CHN2: variants seen among roughly 807,000 people sequenced by gnomAD.
CHN2 encodes the protein chimerin 2, also known as beta-chimaerin.
A neutral mutation model predicts 56.3 loss-of-function variants in CHN2; 35 were observed. The ratio of observed to expected loss-of-function variants is 0.62; its 90% confidence interval spans 0.47 to 0.82. The LOEUF is 0.82. Ranked by LOEUF, CHN2 falls within the 40% of genes least tolerant of loss-of-function variation. The pLI is 0.00. For synonymous variants in CHN2, 210 were observed against 212.8 expected, an observed-to-expected ratio of 0.99 and a Z score of 0.12; for missense variants, 491 against 580.5, an observed-to-expected ratio of 0.85 and a Z score of 1.58.
chr7:29,298,872 G>A (rs1447775035), intron 1 of CHN2, among the ~76,000 whole-genome samples: 3 of 131,224 alleles, frequency 2.3e-5, no homozygotes. Flanking sequence ...CCTCATTTTT[G>A]TTAAAAAAAA....
chr7:29,445,892 A>G (rs1020975888), intron 6 of CHN2, among the ~76,000 whole-genome samples: 1 of 152,092 alleles, frequency 6.6e-6, no homozygotes, highest in African/African-American at 2.4e-5. Context: ...GTCTCCAATT[A>G]CGGAATTCCA....
At chr7:29,464,134 G>A (rs1044994987) in intron 6 of CHN2, among the ~76,000 whole-genome samples, 4 of 152,172 alleles carry the variant, frequency 2.6e-5, no homozygotes, top group South Asian at 2.1e-4. Context: ...GCATAGTTAC[G>A]ATTAATCATA....
At chr7:29,228,601 T>C (rs1584798103) in intron 1 of CHN2, among the ~76,000 whole-genome samples, 1 of 152,354 alleles carries the variant, frequency 6.6e-6, no homozygotes, top group East Asian at 1.9e-4. Context: ...TAAACATATA[T>C]GTGTGTGTAT....
rs535688448 is a variant in CHN2 at position 29,219,829 on chromosome 7, C to T, written c.49+24839C>T. 1.1e-4 allele frequency among the ~76,000 whole-genome samples: 17 copies of T among 152,274 alleles called. No individual in the cohort carries two copies. The East Asian group carries it at 2.9e-3, about 26-fold the overall frequency. ...CCGTGGCTCATGCCTGTAATCCCAGCACTTTAGGAGGCGAGGTGGGCGGAT... is the reference window on the plus strand; with the variant it reads ...CCGTGGCTCATGCCTGTAATCCCAGTACTTTAGGAGGCGAGGTGGGCGGAT... On this transcript the variant is annotated intron_variant, in intron 1 of 12. Coordinates refer to ENST00000222792, the MANE Select transcript of CHN2 (RefSeq NM_004067.4).
chr7:29,166,144 C>A (rs1350791440), intron 2 of CHN2, among the ~76,000 whole-genome samples: 2 of 152,106 alleles, frequency 1.3e-5, no homozygotes, highest in Non-Finnish European at 2.9e-5. Flanking sequence ...GACCCTCCTG[C>A]CTCACCCTCC....
intron 6 of CHN2, among the ~76,000 whole-genome samples, chr7:29,402,517 T>G (rs1425677923): frequency 1.3e-5 from 2 of 152,088 alleles, no homozygotes; most frequent in East Asian, 3.9e-4. Context: ...CCAAAGTAAT[T>G]TAGAATAGAA....
chr7:29,251,761 G>T (rs2128819541), intron 1 of CHN2, among the ~76,000 whole-genome samples: 1 of 152,294 alleles, frequency 6.6e-6, no homozygotes. Context: ...AACTGTGAGT[G>T]TTTACTTTCA....
chr7:29,297,336 G>C (rs1009393667), intron 1 of CHN2, among the ~76,000 whole-genome samples: 2 of 152,176 alleles, frequency 1.3e-5, no homozygotes, highest in African/African-American at 4.8e-5. Context: ...CCGCTCTGAA[G>C]AAGTCCATCT....
Position 29,466,100 on chromosome 7 carries a change from G to T in CHN2, c.577-14179G>T, listed in dbSNP as rs142685275. Among the ~76,000 whole-genome samples the T allele has an allele frequency of 3.0e-3, 453 of 152,220 alleles. 9 individuals carry two copies. Among genetic ancestry groups the T allele is most frequent in the East Asian group, 0.024 (122 of 5,174 alleles). On this transcript the variant is annotated intron_variant, in intron 6 of 12. Transcript: ENST00000222792. ...CACCTGTATCCCAGCCACTCAGGAGGCTGAGGCACAAGAATCGCTTGAACC... is the reference window on the plus strand; with the variant it reads ...CACCTGTATCCCAGCCACTCAGGAGTCTGAGGCACAAGAATCGCTTGAACC...
intron 2 of CHN2, among the ~76,000 whole-genome samples, chr7:29,147,455 G>T (rs1276116370): frequency 6.6e-6 from 1 of 152,220 alleles, no homozygotes; most frequent in East Asian, 1.9e-4. Flanking sequence ...CGCGTAGTTT[G>T]TTATGCAACT....
chr7:29,375,505 T>A (rs562402231), intron 3 of CHN2, among the ~76,000 whole-genome samples: 1 of 152,288 alleles, frequency 6.6e-6, no homozygotes, highest in African/African-American at 2.4e-5. Flanking sequence ...TGATTTTTAT[T>A]TCTTAACATC....
intron 6 of CHN2, among the ~76,000 whole-genome samples, chr7:29,473,482 T>TTTTTTGTGTG (rs539151442): frequency 8.5e-6 from 1 of 118,166 alleles, no homozygotes; most frequent in African/African-American, 3.3e-5. Context: ...TTTTTTTTTT[T>TTTTTTGTGTG]TGTGTGTGTG....
intron 1 of CHN2, among the ~76,000 whole-genome samples, chr7:29,256,410 GAACATTC>G (rs1014653443): frequency 6.6e-6 from 1 of 152,206 alleles, no homozygotes; most frequent in Non-Finnish European, 1.5e-5. Context: ...GTTTGTATGT[GAACATTC>G]GAAAGAAGAG....
intron 1 of CHN2, among the ~76,000 whole-genome samples, chr7:29,257,229 C>G (rs1789144941): frequency 6.6e-6 from 1 of 152,186 alleles, no homozygotes; most frequent in Non-Finnish European, 1.5e-5. Context: ...CCAGATGGCT[C>G]TAAGTGTGGT....
chr7:29,302,881 G>T (rs943257735), intron 1 of CHN2, among the ~76,000 whole-genome samples: 11 of 152,186 alleles, frequency 7.2e-5, no homozygotes, highest in South Asian at 4.1e-4. Context: ...ATTTCATTTG[G>T]CATATGTCTT....
intron 2 of CHN2, among the ~76,000 whole-genome samples, chr7:29,148,004 A>G (rs1286890154): frequency 1.3e-5 from 2 of 152,170 alleles, no homozygotes; most frequent in African/African-American, 2.4e-5. Flanking sequence ...GCTCTAGTCC[A>G]TTGGTGGAAG....
At chr7:29,489,490 A>G (rs1788412512) in intron 7 of CHN2, among the ~76,000 whole-genome samples, 1 of 152,248 alleles carries the variant, frequency 6.6e-6, no homozygotes, top group African/African-American at 2.4e-5. Flanking sequence ...AGTAGAAGCC[A>G]AATAAAATGG....
chr7:29,336,924 A>G (rs1003473442), intron 1 of CHN2, among the ~76,000 whole-genome samples: 2 of 151,982 alleles, frequency 1.3e-5, no homozygotes, highest in Non-Finnish European at 2.9e-5. Context: ...CCCAGCTCCA[A>G]TGTCATCTCC....
intron 4 of CHN2, among the ~76,000 whole-genome samples, chr7:29,395,509 C>CAA (rs199706060): frequency 6.7e-6 from 1 of 149,578 alleles, no homozygotes; most frequent in Non-Finnish European, 1.5e-5. Flanking sequence ...AGACCTTGTA[C>CAA]AAAAAAAAAT....
Sources: allele counts gnomAD v4.1 joint callset (sites outside exome capture counted in the v4.1 genomes callset), GRCh38; gene constraint gnomAD v4.1.1; transcripts MANE v1.5; gene names NCBI Gene and HGNC (gene_info 2026-07-23, HGNC 2026-07-21).